The following CACNB1 variants were observed in gnomAD, a reference collection of about 807,000 sequenced individuals.
The protein encoded by CACNB1 is calcium voltage-gated channel auxiliary subunit beta 1, also known as voltage-dependent L-type calcium channel subunit beta-1.
CACNB1 carries 29 observed loss-of-function variants against 71.6 expected under a neutral mutation model. The ratio of observed to expected loss-of-function variants is 0.40; its 90% CI spans 0.30 to 0.55. The LOEUF (loss-of-function observed/expected upper bound fraction) is 0.55. Among genes scored for constraint, CACNB1 ranks in the 20% least tolerant of loss-of-function variants. The probability of loss-of-function intolerance (pLI) is 0.38; values close to 1 mark genes in which losing one functional copy is unlikely to be tolerated. For missense variants in CACNB1, 623 were observed against 801.8 expected, an observed-to-expected ratio of 0.78 and a Z score of 2.69; for synonymous variants, 300 against 319.6, an observed-to-expected ratio of 0.94 and a Z score of 0.65.
chr17:39,185,959 G>A (rs778925526), intron 6 of CACNB1: 6 of 1,612,306 alleles, frequency 3.7e-6, no homozygotes, highest in Non-Finnish European at 5.1e-6. Context: ...CCTTCTTAAA[G>A]AAGGGGATGC....
intron 3 of CACNB1, among the ~76,000 whole-genome samples, chr17:39,190,616 C>T (rs1386486195): frequency 2.0e-5 from 3 of 151,372 alleles, no homozygotes; most frequent in African/African-American, 7.3e-5. Flanking sequence ...TTAGTAGAGA[C>T]GGGGTTTCAC....
At chr17:39,191,772 GGC>G in intron 2 of CACNB1, 179 bp from the exon 3 acceptor site, 1 of 588,570 alleles carries the variant, frequency 1.7e-6, no homozygotes, top group South Asian at 2.2e-5. Context: ...AGATTTCTCA[GGC>G]CCCTGGGGAA....
chr17:39,194,761 G>C lies in CACNB1; in HGVS notation c.171+123C>G. 3.1e-6 allele frequency: 2 copies of C among 652,450 alleles called. No individual in the cohort carries two copies. Among genetic ancestry groups the C allele is most frequent in the Non-Finnish European group, 5.4e-6 (2 of 371,958 alleles). 40.4% of individuals were successfully genotyped at this position (652,450 alleles called of 1,614,324 possible). On this transcript the variant is annotated intron_variant, in intron 2 of 13. Transcript: ENST00000394303. The surrounding 1 kb of genome is among the most constrained non-coding windows in gnomAD (Gnocchi z 4.6). ...TCATGGGGTGTCAGGGTGATGGGGT[G>C]GCTCCAGGCAGGTGACAAATGGCAC...
chr17:39,173,510 A>G lies in CACNB1; in HGVS notation c.*1683T>C, dbSNP rs1452026577. On this transcript the variant is annotated 3_prime_UTR_variant, in exon 14 of 14. Transcript: ENST00000394303. ...GCACCAGTGGGTCTGGATCTCACCC[A>G]CTGAGCAACATTGAGCTTCCCATTG... 1.3e-5 allele frequency: 2 copies of G among 152,374 alleles called. No individual in the cohort carries two copies. Among genetic ancestry groups the G allele is most frequent in the Admixed American group, 1.3e-4 (2 of 15,280 alleles). 9.4% of individuals were successfully genotyped at this position (152,374 alleles called of 1,614,324 possible).
chr17:39,190,739 TA>T (rs902509793), intron 3 of CACNB1, among the ~76,000 whole-genome samples: 1 of 151,612 alleles, frequency 6.6e-6, no homozygotes, highest in Non-Finnish European at 1.5e-5. Context: ...AAAATTAAAT[TA>T]AAAAAAACAA....
At chr17:39,197,271 G>T in intron 1 of CACNB1, 141 bp downstream of exon 1, 1 of 444,540 alleles carries the variant, frequency 2.2e-6, no homozygotes, top group Non-Finnish European at 3.9e-6. Flanking sequence ...ATCACAACCT[G>T]CAAGGATGGG....
chr17:39,184,330 A>G lies in CACNB1; in HGVS notation c.783T>C (p.Asp261=), dbSNP rs1184581479. ...ALFDFLKHRF[D]GRISITRVTA... ...AGCAGCTCCCAGGATCTTACCTGCCATCAAACCGATGCTTCAAGAAGTCAA... is the reference window on the plus strand; with the variant it reads ...AGCAGCTCCCAGGATCTTACCTGCCGTCAAACCGATGCTTCAAGAAGTCAA... The change falls in exon 9 of 14, where the codon GAT becomes GAC. Residue 261 remains aspartate (D), a synonymous_variant. Coordinates refer to ENST00000394303, the MANE Select transcript of CACNB1 (RefSeq NM_000723.5). The G allele has an allele frequency of 6.5e-7, 1 of 1,549,448 alleles. No homozygotes were observed. The highest frequency in any genetic ancestry group is 8.7e-7 in the Non-Finnish European group (1 of 1,144,648).
chr17:39,184,256 G>A (rs1274809337), intron 9 of CACNB1, 69 bp downstream of exon 9: 29 of 1,297,674 alleles, frequency 2.2e-5, no homozygotes, highest in East Asian at 1.2e-4. Flanking sequence ...ATTGTGATTC[G>A]AGGCATCCTG....
chr17:39,193,171 C>T (rs563127039), intron 2 of CACNB1: 165 of 279,794 alleles, frequency 5.9e-4, no homozygotes, highest in African/African-American at 3.7e-3. Flanking sequence ...CACACAGTTA[C>T]ATGCACACAC....
chr17:39,182,921 C>T (rs2045814562), intron 11 of CACNB1: 1 of 975,448 alleles, frequency 1.0e-6, no homozygotes, highest in East Asian at 1.1e-4. Flanking sequence ...GTAAACCAAT[C>T]AGAGCTTGAA....
Position 39,177,513 on chromosome 17 carries a change from T to C in CACNB1, c.1169A>G (p.Asp390Gly), listed in dbSNP as rs1340107740. The C allele has an allele frequency of 6.3e-7, 1 of 1,598,524 alleles. No homozygotes were observed. Among genetic ancestry groups the C allele is most frequent in the Non-Finnish European group, 8.6e-7 (1 of 1,169,474 alleles). Residue 390 changes from aspartate to glycine, a missense_variant, in exon 13 of 14, where the codon GAT (aspartate) becomes GGT (glycine). Coordinates refer to ENST00000394303, the MANE Select transcript of CACNB1 (RefSeq NM_000723.5). The part of the protein sequence containing the change: ...CPPEMFDIIL[D>G]ENQLEDACEH... The stretch of plus-strand genomic sequence containing the variant: ...GCAGGCATCCTCCAATTGGTTCTCA[T>C]CCAGGATGATGTCAAACATTTCCTG...
intron 6 of CACNB1, among the ~76,000 whole-genome samples, 166 bp from the exon 7 acceptor site, chr17:39,185,316 G>A (rs971268029): frequency 1.3e-5 from 2 of 152,066 alleles, no homozygotes; most frequent in Non-Finnish European, 2.9e-5. Flanking sequence ...AGCCAGAGAC[G>A]GGGAACGGGA....
intron 11 of CACNB1, among the ~76,000 whole-genome samples, chr17:39,181,743 G>A (rs999636033): frequency 2.6e-5 from 4 of 152,130 alleles, no homozygotes; most frequent in African/African-American, 4.8e-5. Context: ...TAGGCTGGGC[G>A]CGGTGGCTCA....
In CACNB1 at chr17:39,175,531, G is replaced by A; in HGVS notation, c.1459C>T (p.Arg487Trp). 3.1e-6 allele frequency: 5 copies of A among 1,613,806 alleles called. No individual in the cohort carries two copies. The highest frequency in any genetic ancestry group is 2.2e-5 in the East Asian group (1 of 44,856). Residue 487 changes from arginine to tryptophan, a missense_variant, in exon 14 of 14, where the codon CGG (arginine) becomes TGG (tryptophan). By Grantham distance (101) the Arg-to-Trp change is moderately radical. Transcript: ENST00000394303. The surrounding 1 kb of genome is among the most constrained non-coding windows in gnomAD (Gnocchi z 4.7). The stretch of plus-strand genomic sequence containing the variant: ...GACAGTGCCCGTAGCGTGCCTGCCC[G>A]GCCTGGTGGGTGGCTGCTGGGGTAA... ...GLYPSSHPPG[R>W]AGTLRALSRQ... is the part of the protein sequence containing the mutation.
chr17:39,175,436 T>C lies in CACNB1; in HGVS notation c.1554A>G (p.Ser518=), dbSNP rs376403751. The change falls in exon 14 of 14, where the codon TCA becomes TCG. Residue 518 remains serine (S), a synonymous_variant. Transcript: ENST00000394303. The surrounding 1 kb of genome is among the most constrained non-coding windows in gnomAD (Gnocchi z 4.7). ...RNSAYTELGD[S]CVDMETDPSE... Reference sequence around the variant, plus strand: ...AGGGGTCAGTCTCCATGTCCACACATGAGTCTCCCAGCTCCGTGTAGGCAG... The same window carrying C: ...AGGGGTCAGTCTCCATGTCCACACACGAGTCTCCCAGCTCCGTGTAGGCAG... 18 of 1,614,020 alleles carry C rather than the reference T, an allele frequency of 1.1e-5. No homozygotes were observed. The highest frequency in any genetic ancestry group is 1.0e-4 in the Admixed American group (6 of 60,004).
rs765810911 is a variant in CACNB1, at chr17:39,177,406, G to T, written c.1276C>A (p.Arg426Ser). ...GCCAGGGCTGCGGTAGCCATGGTGCGGTTCAGCAGCGGATTGGGTGGCGTG... is the reference window on the plus strand; with the variant it reads ...GCCAGGGCTGCGGTAGCCATGGTGCTGTTCAGCAGCGGATTGGGTGGCGTG... ...SSTPPNPLLN[R>S]TMATAALAAS... The change falls in exon 13 of 14, where the codon CGC becomes AGC. Residue 426 changes from arginine (R) to serine (S), a missense_variant. Physicochemically the swap from Arg to Ser is moderately radical, Grantham distance 110. Coordinates refer to ENST00000394303, the MANE Select transcript of CACNB1 (RefSeq NM_000723.5). 1 of 1,613,664 alleles carries T rather than the reference G, an allele frequency of 6.2e-7. No individual in the cohort carries two copies. The highest frequency in any genetic ancestry group is 8.5e-7 in the Non-Finnish European group (1 of 1,179,932).
In CACNB1 at chr17:39,177,340, G is replaced by A. The variant is rs1314023209; in HGVS notation, c.1332+10C>T. 1.2e-6 allele frequency: 2 copies of A among 1,612,758 alleles called. No individual in the cohort carries two copies. The highest frequency in any genetic ancestry group is 1.3e-5 in the African/African-American group (1 of 74,950). On this transcript the variant is annotated intron_variant, in intron 13 of 13. Coordinates refer to ENST00000394303, the MANE Select transcript of CACNB1 (RefSeq NM_000723.5). ...CCGAGGTTTCTCCTGAGCGAGGTGAGCACCTGTACCTGGAGGTTGGAGACA... is the reference window on the plus strand; with the variant it reads ...CCGAGGTTTCTCCTGAGCGAGGTGAACACCTGTACCTGGAGGTTGGAGACA...
rs2046229530 is a variant in CACNB1 at position 39,197,606 on chromosome 17, C to T, written c.-111G>A. The T allele has an allele frequency of 6.4e-6, 5 of 777,708 alleles. No homozygotes were observed. The highest frequency in any genetic ancestry group is 1.0e-5 in the Non-Finnish European group (5 of 501,466). 48.2% of individuals were successfully genotyped at this position (777,708 alleles called of 1,614,324 possible). ...GCGGCGCAGCCAGCACCCGGTCCAG[C>T]CACCCAGCTCGGCCTTCGGCTGCCT... On this transcript the variant is annotated 5_prime_UTR_variant, in exon 1 of 14. Coordinates refer to ENST00000394303, the MANE Select transcript of CACNB1 (RefSeq NM_000723.5).
rs1296530128 is a variant in CACNB1 at position 39,184,810 on chromosome 17, C to G, written c.703G>C (p.Val235Leu). 1 of 1,612,554 alleles carries G rather than the reference C, an allele frequency of 6.2e-7. No homozygotes were observed. The highest frequency in any genetic ancestry group is 8.5e-7 in the Non-Finnish European group (1 of 1,178,796). ...VVPSMRPIIL[V>L]GPSLKGYEVT... The stretch of plus-strand genomic sequence containing the variant: ...TCGTAGCCCTTGAGCGACGGTCCCA[C>G]CAGGATGATGGGCCTCATGGAAGGC... Residue 235 changes from valine (V) to leucine (L), a missense_variant, in exon 8 of 14, where the codon GTG (valine) becomes CTG (leucine). Transcript: ENST00000394303.
Sources: gnomAD v4.1 joint callset for allele counts (sites outside exome capture counted in the v4.1 genomes callset) on GRCh38, gnomAD v4.1.1 for gene constraint, Gnocchi (gnomAD v3.1) non-coding constraint, MANE v1.5 for transcripts, NCBI Gene and HGNC (gene_info 2026-07-23, HGNC 2026-07-21) for gene names.